CNTNAP4: variants seen among roughly 807,000 people sequenced by gnomAD.
CNTNAP4 encodes contactin associated protein family member 4, also known as contactin-associated protein-like 4.
CNTNAP4 carries 98 observed loss-of-function variants against 148.4 expected under a neutral mutation model. That is an observed-to-expected ratio of 0.66 (90% confidence interval 0.56 to 0.78). The LOEUF (loss-of-function observed/expected upper bound fraction) is 0.78, where lower values mean the gene tolerates loss of function less well. Among genes scored for constraint, CNTNAP4 ranks in the 30% least tolerant of loss-of-function variants. CNTNAP4 has a pLI of 0.00. For missense variants in CNTNAP4, 1,935 were observed against 1,565.6 expected, an observed-to-expected ratio of 1.24 and a Z score of -3.98; for synonymous variants, 730 against 565.1, an observed-to-expected ratio of 1.29 and a Z score of -4.14.
intron 15 of CNTNAP4, among the ~76,000 whole-genome samples, chr16:76,505,449 G>T (rs544357477): frequency 1.0e-5 from 1 of 97,264 alleles, no homozygotes; most frequent in Admixed American, 1.0e-4. Flanking sequence ...AACAGAAAAA[G>T]GATCTCTGCT....
chr16:76,356,250 C>G (rs549676868), intron 3 of CNTNAP4, among the ~76,000 whole-genome samples: 1 of 151,984 alleles, frequency 6.6e-6, no homozygotes, highest in East Asian at 1.9e-4. Flanking sequence ...TTTTTGAAAC[C>G]CTGTTTCTTT....
intron 8 of CNTNAP4, among the ~76,000 whole-genome samples, chr16:76,459,689 A>G (rs905927257): frequency 6.6e-6 from 1 of 152,250 alleles, no homozygotes; most frequent in Admixed American, 6.5e-5. Context: ...TATCAGAAAA[A>G]AGGCTGTTTG....
intron 21 of CNTNAP4, among the ~76,000 whole-genome samples, chr16:76,550,766 G>A (rs1273684626): frequency 1.3e-5 from 2 of 151,742 alleles, no homozygotes; most frequent in Non-Finnish European, 2.9e-5. Flanking sequence ...TTGCCAAGGT[G>A]GACTAAATGA....
At chr16:76,366,235 C>T (rs1249563805) in intron 3 of CNTNAP4, among the ~76,000 whole-genome samples, 1 of 152,130 alleles carries the variant, frequency 6.6e-6, no homozygotes, top group Non-Finnish European at 1.5e-5. Context: ...CAGCCAGGTA[C>T]TAAGCCTGGT....
intron 1 of CNTNAP4, among the ~76,000 whole-genome samples, chr16:76,294,883 C>T (rs992029571): frequency 1.3e-5 from 2 of 152,170 alleles, no homozygotes; most frequent in African/African-American, 4.8e-5. Flanking sequence ...ACAGAAGTTT[C>T]GACTCTCAGA....
chr16:76,411,908 C>T (rs970716773), intron 3 of CNTNAP4, among the ~76,000 whole-genome samples: 6 of 151,340 alleles, frequency 4.0e-5, no homozygotes, highest in African/African-American at 1.2e-4. Context: ...GTAAATGTTA[C>T]GTAGGCCAAA....
chr16:76,489,747 T>A lies in CNTNAP4; in HGVS notation c.1944T>A (p.Asn648Lys). 1 of 1,604,906 alleles carries A rather than the reference T, an allele frequency of 6.2e-7. No homozygotes were observed. Among genetic ancestry groups the A allele is most frequent in the Non-Finnish European group, 8.5e-7 (1 of 1,175,216 alleles). The stretch of plus-strand genomic sequence containing the variant: ...ACTTAACAAGAGTCAGAAATACTAA[T>A]CCAGAGAACCCATATGCTGGGTTTT... The part of the protein sequence containing the change: ...GSDLTRVRNT[N>K]PENPYAGFFE... Residue 648 changes from asparagine (N) to lysine (K), a missense_variant, in exon 13 of 24, where the codon AAT (asparagine) becomes AAA (lysine). Asn to Lys is a moderately conservative substitution (Grantham distance 94, BLOSUM62 0). Coordinates refer to ENST00000611870, the MANE Select transcript of CNTNAP4 (RefSeq NM_033401.5).
intron 8 of CNTNAP4, among the ~76,000 whole-genome samples, chr16:76,461,175 A>T (rs1422497432): frequency 1.3e-5 from 2 of 152,144 alleles, no homozygotes; most frequent in Admixed American, 1.3e-4. Context: ...TTTGGGGGCC[A>T]CTTTAAACAG....
intron 1 of CNTNAP4, among the ~76,000 whole-genome samples, chr16:76,307,322 C>A (rs925044797): frequency 2.0e-5 from 3 of 151,630 alleles, no homozygotes; most frequent in African/African-American, 4.9e-5. Context: ...TATAAATACA[C>A]AACTACTACA....
In CNTNAP4 at chr16:76,415,490, G is replaced by C. The variant is rs141157366; in HGVS notation, c.391-11962G>C. On this transcript the variant is annotated intron_variant, in intron 3 of 23. Transcript: ENST00000611870. The stretch of plus-strand genomic sequence containing the variant: ...TTTATTATTTGAATTAGAATTCAAA[G>C]TCTAATAATACGTTGAATTAATACA... Among the ~76,000 whole-genome samples the C allele has an allele frequency of 2.6e-5, 4 of 151,008 alleles. No individual in the cohort carries two copies. In the East Asian group the frequency reaches 7.8e-4, roughly 29 times the overall value.
At chr16:76,364,233 CAAAAAAAAAAAAAAAAA>C (rs58589609) in intron 3 of CNTNAP4, among the ~76,000 whole-genome samples, 4 of 48,182 alleles carry the variant, frequency 8.3e-5, no homozygotes, top group Admixed American at 4.2e-4. Flanking sequence ...GATTCCATCT[CAAAAAAAAAAAAAAAAA>C]AAAAAAAAAC....
chr16:76,517,227 G>A (rs560443732), intron 15 of CNTNAP4, among the ~76,000 whole-genome samples: 5 of 152,244 alleles, frequency 3.3e-5, no homozygotes, highest in East Asian at 1.9e-4. Flanking sequence ...GGAGGAAAGC[G>A]GTTTTAGCTG....
intron 2 of CNTNAP4, among the ~76,000 whole-genome samples, chr16:76,318,238 T>C: frequency 6.6e-6 from 1 of 152,240 alleles, no homozygotes; most frequent in African/African-American, 2.4e-5. Context: ...TCATAAAAGC[T>C]TTCACAGAAT....
chr16:76,468,409 G>A (rs1250367522), intron 10 of CNTNAP4, among the ~76,000 whole-genome samples: 1 of 152,086 alleles, frequency 6.6e-6, no homozygotes, highest in Admixed American at 6.5e-5. Context: ...GGGAGGCGGA[G>A]GTTGCAGTGA....
At chr16:76,466,954 C>A (rs532015807) in intron 9 of CNTNAP4, among the ~76,000 whole-genome samples, 1 of 152,098 alleles carries the variant, frequency 6.6e-6, no homozygotes, top group African/African-American at 2.4e-5. Context: ...TGTATCTTTT[C>A]TTATACATAG....
Position 76,448,149 on chromosome 16 carries a change from G to C in CNTNAP4, c.676G>C (p.Gly226Arg), listed in dbSNP as rs1353967278. 2 of 1,613,446 alleles carry C rather than the reference G, an allele frequency of 1.2e-6. No individual in the cohort carries two copies. Among genetic ancestry groups the C allele is most frequent in the East Asian group, 2.2e-5 (1 of 44,842 alleles). The change falls in exon 5 of 24, where the codon GGG becomes CGG. Residue 226 changes from glycine to arginine, a missense_variant. Gly to Arg is a moderately radical substitution (Grantham distance 125). Coordinates refer to ENST00000611870, the MANE Select transcript of CNTNAP4 (RefSeq NM_033401.5). Reference sequence around the variant, plus strand: ...TGATGGGATTCTACTCCACAGGGAAGGGCCAAATGGAGATCACATCACACT... The same window carrying C: ...TGATGGGATTCTACTCCACAGGGAACGGCCAAATGGAGATCACATCACACT... ...QSDGILLHREGPNGDHITLQL... is the reference protein window; with the variant it reads ...QSDGILLHRERPNGDHITLQL...
chr16:76,380,463 A>G (rs1057354334), intron 3 of CNTNAP4, among the ~76,000 whole-genome samples: 3 of 152,114 alleles, frequency 2.0e-5, no homozygotes, highest in Non-Finnish European at 4.4e-5. Context: ...CAGTATTGCT[A>G]TACTTTAAAG....
In CNTNAP4 at chr16:76,544,818, T is replaced by G. The variant is rs188346662; in HGVS notation, c.3442+4028T>G. On this transcript the variant is annotated intron_variant, in intron 21 of 23. Coordinates refer to ENST00000611870, the MANE Select transcript of CNTNAP4 (RefSeq NM_033401.5). ...GTCCATAATAATCATTTCTCTTTTT[T>G]GGGGCTGCAGAGCCAAGATGTACTT... is the stretch of plus-strand genomic sequence containing the variant. Among the ~76,000 whole-genome samples the G allele has an allele frequency of 4.1e-3, 623 of 152,306 alleles. 4 individuals carry two copies. Among genetic ancestry groups the G allele is most frequent in the African/African-American group, 0.014 (589 of 41,562 alleles).
At chr16:76,540,887 C>A in intron 21 of CNTNAP4, 97 bp downstream of exon 21, 1 of 755,872 alleles carries the variant, frequency 1.3e-6, no homozygotes, top group Non-Finnish European at 2.2e-6. Flanking sequence ...TTCGTCATGG[C>A]AAAGGAAATC....
Sources: gnomAD v4.1 joint callset for allele counts (sites outside exome capture counted in the v4.1 genomes callset) on GRCh38, gnomAD v4.1.1 for gene constraint, MANE v1.5 for transcripts, NCBI Gene and HGNC (gene_info 2026-07-23, HGNC 2026-07-21) for gene names.